Variants in MCTP1 observed in about 807,000 individuals in gnomAD.
MCTP1 encodes multiple C2 and transmembrane domain-containing protein 1.
In MCTP1, 69 loss-of-function variants were observed where a neutral mutation model predicts 120.6. That is an observed-to-expected ratio of 0.57 (90% confidence interval 0.47 to 0.70). The LOEUF is 0.70. Ranked by LOEUF, MCTP1 falls within the 30% of genes least tolerant of loss-of-function variation. The pLI, the probability that MCTP1 is intolerant of heterozygous loss-of-function variation, is 0.00. For missense variants in MCTP1, 1,203 were observed against 1,248.8 expected (o/e 0.96, Z 0.55); for synonymous variants, 529 against 493.1 (o/e 1.07, Z -0.96).
At chr5:94,820,435 A>G (rs1246427949) in intron 17 of MCTP1, among the ~76,000 whole-genome samples, 1 of 152,208 alleles carries the variant, frequency 6.6e-6, no homozygotes, top group East Asian at 1.9e-4. Context: ...TGGGAGTTTC[A>G]TAACACCTTC....
intron 1 of MCTP1, among the ~76,000 whole-genome samples, chr5:95,261,704 T>G (rs1758484329): frequency 6.6e-6 from 1 of 152,228 alleles, no homozygotes; most frequent in Non-Finnish European, 1.5e-5. Flanking sequence ...TTCCTAAAAT[T>G]TACAGATCTC....
rs1357538607 is a variant in MCTP1, at chr5:94,779,898, ACAGT to A, written c.2557-739_2557-736del. ...ATTTAGCCTACCTCAGCAGAATGGA[ACAGT>A]CATTTTGGATTTACCAAATAACTTC... On this transcript the variant is annotated intron_variant, in intron 18 of 22. Transcript: ENST00000515393. Among the ~76,000 whole-genome samples, 3 of 152,170 alleles carry A rather than the reference ACAGT, an allele frequency of 2.0e-5. No homozygotes were observed. In the East Asian group the frequency reaches 5.8e-4, roughly 29 times the overall value.
At chr5:95,261,131 T>C (rs1363450891) in intron 1 of MCTP1, among the ~76,000 whole-genome samples, 2 of 152,234 alleles carry the variant, frequency 1.3e-5, no homozygotes, top group African/African-American at 4.8e-5. Context: ...GCCCTATTCA[T>C]TGATTTCTGC....
At chr5:94,830,654 A>G (rs905040495) in intron 17 of MCTP1, among the ~76,000 whole-genome samples, 1 of 152,238 alleles carries the variant, frequency 6.6e-6, no homozygotes, top group African/African-American at 2.4e-5. Context: ...ATGAGAATTC[A>G]TATATCTGAC....
chr5:94,950,191 C>T (rs990347199), intron 3 of MCTP1, among the ~76,000 whole-genome samples: 1 of 151,962 alleles, frequency 6.6e-6, no homozygotes, highest in Non-Finnish European at 1.5e-5. Context: ...TATATGTGTA[C>T]TAGTATCTCA....
At chr5:95,043,993 T>C (rs1842765110) in intron 1 of MCTP1, among the ~76,000 whole-genome samples, 1 of 152,166 alleles carries the variant, frequency 6.6e-6, no homozygotes, top group Admixed American at 6.5e-5. Flanking sequence ...ATTAGCTAGA[T>C]TTTTTTCTGT....
chr5:94,867,542 G>T, intron 17 of MCTP1: 1 of 475,838 alleles, frequency 2.1e-6, no homozygotes, highest in Non-Finnish European at 3.7e-6. Context: ...GGAAGCATAA[G>T]GTACTCATAT....
intron 17 of MCTP1, among the ~76,000 whole-genome samples, chr5:94,833,945 A>C (rs567476870): frequency 6.6e-6 from 1 of 152,362 alleles, no homozygotes; most frequent in Non-Finnish European, 1.5e-5. Context: ...TCAGGGAAAG[A>C]CATCAAATTT....
At chr5:94,711,912 T>TAA (rs1040653601) in intron 20 of MCTP1, among the ~76,000 whole-genome samples, 11 of 152,144 alleles carry the variant, frequency 7.2e-5, no homozygotes, top group Non-Finnish European at 1.6e-4. Context: ...TGGTACTTCT[T>TAA]AAGAGTGTGC....
intron 2 of MCTP1, among the ~76,000 whole-genome samples, chr5:94,994,393 G>A (rs1046473664): frequency 5.3e-5 from 8 of 152,152 alleles, no homozygotes; most frequent in Non-Finnish European, 4.4e-5. Flanking sequence ...ACTAGAGTGT[G>A]ATCAAAACTC....
chr5:95,099,117 C>T (rs1288926774), intron 1 of MCTP1, among the ~76,000 whole-genome samples: 2 of 151,706 alleles, frequency 1.3e-5, no homozygotes, highest in African/African-American at 2.4e-5. Flanking sequence ...ATACAAAAAT[C>T]AATTCAAGAT....
chr5:95,095,006 ATTTTTTTTTTTTTTTTTTTT>A (rs756132693), intron 1 of MCTP1, among the ~76,000 whole-genome samples: 5 of 36,966 alleles, frequency 1.4e-4, no homozygotes, highest in East Asian at 1.9e-3. Flanking sequence ...GTTATGTTAG[ATTTTTTTTTTTTTTTTTTTT>A]TTTTTTTTTT....
chr5:95,106,827 A>C (rs1401049952), intron 1 of MCTP1, among the ~76,000 whole-genome samples: 2 of 152,230 alleles, frequency 1.3e-5, no homozygotes, highest in Non-Finnish European at 2.9e-5. Context: ...TAACTGATCC[A>C]GAACAGTCAT....
At chr5:95,230,032 G>A (rs1754740831) in intron 1 of MCTP1, among the ~76,000 whole-genome samples, 1 of 152,066 alleles carries the variant, frequency 6.6e-6, no homozygotes, top group Non-Finnish European at 1.5e-5. Flanking sequence ...TAAGGCACAT[G>A]CTCCTCTTAA....
At chr5:94,793,368 G>C in intron 18 of MCTP1, 1 of 152,028 alleles carries the variant, frequency 6.6e-6, no homozygotes, top group East Asian at 1.9e-4. Context: ...CTAAAGGTCT[G>C]GTTCTTTTCA....
intron 1 of MCTP1, among the ~76,000 whole-genome samples, chr5:95,271,959 C>A (rs1759439543): frequency 6.6e-6 from 1 of 152,018 alleles, no homozygotes; most frequent in African/African-American, 2.4e-5. Flanking sequence ...TCTATTCAGA[C>A]TAGATAAACT....
intron 1 of MCTP1, among the ~76,000 whole-genome samples, chr5:95,171,837 T>C (rs1265569445): frequency 6.6e-6 from 1 of 151,232 alleles, no homozygotes; most frequent in Non-Finnish European, 1.5e-5. Context: ...GTTTTTAGCT[T>C]CTTTGCGATG....
At chr5:95,268,257 G>A (rs1196996724) in intron 1 of MCTP1, among the ~76,000 whole-genome samples, 1 of 152,218 alleles carries the variant, frequency 6.6e-6, no homozygotes, top group Non-Finnish European at 1.5e-5. Flanking sequence ...CCACAACATA[G>A]ATATTTCATA....
intron 17 of MCTP1, among the ~76,000 whole-genome samples, chr5:94,813,460 C>T: frequency 6.6e-6 from 1 of 152,164 alleles, no homozygotes; most frequent in East Asian, 1.9e-4. Context: ...AATTCTACTC[C>T]TATCAAAGAA....
Sources: gnomAD v4.1 joint callset for allele counts (sites outside exome capture counted in the v4.1 genomes callset) on GRCh38, gnomAD v4.1.1 for gene constraint, MANE v1.5 for transcripts, NCBI Gene and HGNC (gene_info 2026-07-23, HGNC 2026-07-21) for gene names.